SLC7A6: variants seen among roughly 807,000 people sequenced by gnomAD.
SLC7A6 encodes the protein solute carrier family 7 member 6, also known as Y+L amino acid transporter 2.
A neutral mutation model predicts 46.6 loss-of-function variants in SLC7A6; 29 were observed. The observed-to-expected ratio is 0.62, with a 90% CI of 0.46 to 0.85. The LOEUF (loss-of-function observed/expected upper bound fraction) is 0.85. SLC7A6 is among the 40% of genes least tolerant of loss of function. The pLI, the probability that SLC7A6 is intolerant of heterozygous loss-of-function variation, is 0.00. For missense variants in SLC7A6, 527 were observed against 647.6 expected (o/e 0.81, Z 2.02); for synonymous variants, 276 against 257.3 (o/e 1.07, Z -0.70).
intron 2 of SLC7A6, among the ~76,000 whole-genome samples, chr16:68,269,810 A>AGGCT (rs1420830453): frequency 6.6e-6 from 1 of 152,028 alleles, no homozygotes; most frequent in Non-Finnish European, 1.5e-5. Context: ...TCTGTCACCA[A>AGGCT]GGCTGGAGTG....
chr16:68,285,690 C>G (rs190139456), intron 3 of SLC7A6, among the ~76,000 whole-genome samples: 2 of 152,322 alleles, frequency 1.3e-5, no homozygotes, highest in East Asian at 1.9e-4. Context: ...GAATATCCAA[C>G]TTTCTGACAA....
At chr16:68,268,558 C>T (rs888432452) in intron 2 of SLC7A6, among the ~76,000 whole-genome samples, 1 of 152,152 alleles carries the variant, frequency 6.6e-6, no homozygotes, top group East Asian at 1.9e-4. Context: ...CCTTTCATCC[C>T]GTTTTCTGAT....
In SLC7A6 at chr16:68,287,784, G is replaced by A; in HGVS notation, c.562G>A (p.Gly188Ser). 1.2e-6 allele frequency: 2 copies of A among 1,614,208 alleles called. No homozygotes were observed. Among genetic ancestry groups the A allele is most frequent in the Non-Finnish European group, 8.5e-7 (1 of 1,180,022 alleles). Residue 188 changes from glycine to serine, a missense_variant, in exon 4 of 11, where the codon GGC (glycine) becomes AGC (serine). Gly to Ser is a moderately conservative substitution (Grantham distance 56). Transcript: ENST00000219343. ...TFVNCAYVKW[G>S]TRVQDTFTYA... ...TGTGAACTGTGCCTATGTCAAGTGG[G>A]GCACACGTGTGCAGGACACGTTCAC...
At chr16:68,284,859 C>CTTTTTTTTT (rs71384525) in intron 3 of SLC7A6, among the ~76,000 whole-genome samples, 8,008 of 95,262 alleles carry the variant, frequency 0.084, 1,120 homozygotes, top group South Asian at 0.11. Flanking sequence ...ATTTTCTCGT[C>CTTTTTTTTT]TTTTTTTTTT....
chr16:68,289,730 G>C (rs1360917808), intron 4 of SLC7A6, among the ~76,000 whole-genome samples: 2 of 152,166 alleles, frequency 1.3e-5, no homozygotes, highest in African/African-American at 4.8e-5. Flanking sequence ...TGAGGAGAAT[G>C]ACAGGCTGGG....
intron 10 of SLC7A6, 72 bp downstream of exon 10, chr16:68,296,882 A>G: frequency 6.6e-7 from 1 of 1,504,362 alleles, no homozygotes. Flanking sequence ...GGGGGTGGCT[A>G]ACAGCTTCCC....
At chr16:68,290,714 G>C (rs2043032291) in intron 5 of SLC7A6, 174 bp downstream of exon 5, 2 of 762,780 alleles carry the variant, frequency 2.6e-6, no homozygotes, top group East Asian at 2.7e-5. Context: ...GTGAAGGTAG[G>C]AAAGCCTTCG....
intron 4 of SLC7A6, 34 bp from the exon 5 acceptor site, chr16:68,290,362 T>C (rs985731965): frequency 6.2e-7 from 1 of 1,613,170 alleles, no homozygotes; most frequent in Non-Finnish European, 8.5e-7. Flanking sequence ...CTGTTCCTTC[T>C]CTCTGAACCC....
intron 2 of SLC7A6, among the ~76,000 whole-genome samples, chr16:68,268,145 A>G (rs1265366411): frequency 6.6e-6 from 1 of 152,198 alleles, no homozygotes; most frequent in Non-Finnish European, 1.5e-5. Context: ...AATTGAACTG[A>G]AAGAGGAGTC....
At chr16:68,291,819 C>CT in intron 7 of SLC7A6, 158 bp downstream of exon 7, 1 of 534,620 alleles carries the variant, frequency 1.9e-6, no homozygotes. Flanking sequence ...TGGGCATGTA[C>CT]TTGCCTTTGT....
At position 68,287,193 on chromosome 16, in the gene SLC7A6, G is replaced by A. The variant is rs2042953329; in HGVS notation, c.524-553G>A. On this transcript the variant is annotated intron_variant, in intron 3 of 10. Coordinates refer to ENST00000219343, the MANE Select transcript of SLC7A6 (RefSeq NM_003983.6). ...GGGTTTCTCCATGTTGCCCAGGCTG[G>A]TCTCTAACTCCTGGGCTCACATGAT... 5.2e-6 allele frequency: 3 copies of A among 577,768 alleles called. No homozygotes were observed. The South Asian group carries it at 5.7e-5, about 11-fold the overall frequency. The allele number at this position is 577,768 out of a possible 1,614,324, so 35.8% of individuals were successfully genotyped here. A position where few individuals can be genotyped will look rare whatever the true frequency, so the allele number is the denominator to read the frequency against.
chr16:68,272,151 C>T (rs2042633926), intron 2 of SLC7A6, among the ~76,000 whole-genome samples: 1 of 152,104 alleles, frequency 6.6e-6, no homozygotes. Flanking sequence ...TGGTGGCTCA[C>T]ACCTGTAATT....
chr16:68,285,446 T>A (rs1003097174), intron 3 of SLC7A6, among the ~76,000 whole-genome samples: 3 of 152,184 alleles, frequency 2.0e-5, no homozygotes, highest in African/African-American at 7.2e-5. Context: ...GTAGCTTTGA[T>A]CATCAGGGTA....
chr16:68,283,841 T>G (rs1288127820), intron 3 of SLC7A6, among the ~76,000 whole-genome samples: 3 of 152,234 alleles, frequency 2.0e-5, no homozygotes, highest in African/African-American at 7.2e-5. Flanking sequence ...AGCATCTGGC[T>G]TTAAGGCCCA....
At chr16:68,290,863 A>C in intron 5 of SLC7A6, 1 of 477,450 alleles carries the variant, frequency 2.1e-6, no homozygotes, top group Non-Finnish European at 3.8e-6. Context: ...CGCAGAACCA[A>C]AACTTATTCT....
intron 4 of SLC7A6, among the ~76,000 whole-genome samples, chr16:68,289,582 G>A (rs1050671344): frequency 3.3e-5 from 5 of 152,174 alleles, no homozygotes; most frequent in Non-Finnish European, 7.3e-5. Context: ...GCTGGGTCTA[G>A]GCTTTCTTCA....
chr16:68,283,693 T>C (rs548942485), intron 3 of SLC7A6, among the ~76,000 whole-genome samples: 1 of 152,336 alleles, frequency 6.6e-6, no homozygotes, highest in East Asian at 1.9e-4. Flanking sequence ...AGTACTCCTT[T>C]CTCAGCAATA....
chr16:68,274,947 C>T lies in SLC7A6; in HGVS notation c.221C>T (p.Thr74Ile), dbSNP rs1424231873. The change falls in exon 3 of 11, where the codon ACT becomes ATT. Residue 74 changes from threonine to isoleucine, a missense_variant. Transcript: ENST00000219343. ...FVSPKGVLVH[T>I]ASYGMSLIVW... ...TCACCCAAGGGTGTGCTGGTACACA[C>T]TGCCTCCTATGGGATGTCACTGATT... 6.2e-6 allele frequency: 10 copies of T among 1,614,232 alleles called. No individual in the cohort carries two copies. The East Asian group carries it at 2.0e-4, about 32-fold the overall frequency.
At position 68,297,291 on chromosome 16, in the gene SLC7A6, T is replaced by C. The variant is rs62636646; in HGVS notation, c.1511T>C (p.Val504Ala). 2.0e-3 allele frequency: 3,183 copies of C among 1,614,098 alleles called. 62 individuals are homozygous for C. In the African/African-American group the frequency reaches 0.038, roughly 19 times the overall value. ...TTTTGTGTCCTGACTGAGCTTGATG[T>C]AGCCGAAGAAAAAAAGGATGAGAGG... ...LCFCVLTELD[V>A]AEEKKDERKT... The change falls in exon 11 of 11, where the codon GTA becomes GCA. Residue 504 changes from valine to alanine, a missense_variant. Coordinates refer to ENST00000219343, the MANE Select transcript of SLC7A6 (RefSeq NM_003983.6).
Sources: gnomAD v4.1 joint callset for allele counts (sites outside exome capture counted in the v4.1 genomes callset) on GRCh38, gnomAD v4.1.1 for gene constraint, MANE v1.5 for transcripts, NCBI Gene and HGNC (gene_info 2026-07-23, HGNC 2026-07-21) for gene names.